FOXN3: variants seen among roughly 807,000 people sequenced by gnomAD.
FOXN3 encodes forkhead box protein N3.
In FOXN3, 7 loss-of-function variants were observed where a neutral mutation model predicts 38.4. The ratio of observed to expected loss-of-function variants is 0.18; its 90% CI spans 0.10 to 0.34. The LOEUF is 0.34. Among genes scored for constraint, FOXN3 ranks in the 10% least tolerant of loss-of-function variants. FOXN3 has a pLI of 1.00. For synonymous variants in FOXN3, 230 were observed against 242.2 expected (o/e 0.95, Z 0.47); for missense variants, 456 against 613.4 (o/e 0.74, Z 2.71).
chr14:89,457,141 C>T (rs1358033951), intron 1 of FOXN3, among the ~76,000 whole-genome samples: 1 of 152,154 alleles, frequency 6.6e-6, no homozygotes, highest in African/African-American at 2.4e-5. Flanking sequence ...AACAACATGG[C>T]GATAGCCTCT....
chr14:89,456,733 G>A (rs1376702807), intron 1 of FOXN3, among the ~76,000 whole-genome samples: 1 of 152,178 alleles, frequency 6.6e-6, no homozygotes, highest in Admixed American at 6.5e-5. Context: ...TCCAGCCTGG[G>A]TGACAGAGTG....
chr14:89,415,789 G>A (rs889225329), intron 1 of FOXN3, among the ~76,000 whole-genome samples: 1 of 144,552 alleles, frequency 6.9e-6, no homozygotes, highest in Non-Finnish European at 1.5e-5. Context: ...TGCCAACAAG[G>A]CTGCTCCACC....
intron 3 of FOXN3, among the ~76,000 whole-genome samples, chr14:89,342,216 T>C (rs1470839808): frequency 6.6e-6 from 1 of 152,174 alleles, no homozygotes; most frequent in Non-Finnish European, 1.5e-5. Context: ...CTGAGTAAAA[T>C]AGATATAATC....
rs577902201 is a variant in FOXN3, at chr14:89,544,118, CAG to C, written c.-15+74908_-15+74909del. Among the ~76,000 whole-genome samples, 848 of 151,978 alleles carry C rather than the reference CAG, an allele frequency of 5.6e-3. 6 individuals carry two copies. The highest frequency in any genetic ancestry group is 6.1e-3 in the Non-Finnish European group (415 of 67,982). ...CTTTTTTTTGTTTTGTTTTTTGAGA[CAG>C]AGTCTTGCTCTGTCGCCCAGGCTGG... On this transcript the variant is annotated intron_variant, in intron 1 of 6. Transcript: ENST00000345097.
At chr14:89,506,889 G>A (rs1596301696) in intron 1 of FOXN3, among the ~76,000 whole-genome samples, 2 of 152,244 alleles carry the variant, frequency 1.3e-5, no homozygotes, top group African/African-American at 4.8e-5. Context: ...ATTAAGGGTG[G>A]TGCAAGATGT....
intron 2 of FOXN3, among the ~76,000 whole-genome samples, chr14:89,384,430 C>T (rs956970337): frequency 6.6e-6 from 1 of 152,204 alleles, no homozygotes; most frequent in African/African-American, 2.4e-5. Context: ...TCTTCTAATA[C>T]GTACCAGGAA....
At chr14:89,549,019 T>C (rs1027788486) in intron 1 of FOXN3, among the ~76,000 whole-genome samples, 1 of 151,592 alleles carries the variant, frequency 6.6e-6, no homozygotes, top group African/African-American at 2.4e-5. Flanking sequence ...CTCGGGAGGC[T>C]GAGACAGGAG....
intron 1 of FOXN3, among the ~76,000 whole-genome samples, chr14:89,565,624 A>G (rs1895333672): frequency 6.6e-6 from 1 of 152,182 alleles, no homozygotes; most frequent in Non-Finnish European, 1.5e-5. Context: ...CTATCACATC[A>G]TAGCCAAAAT....
chr14:89,520,014 T>G (rs1438720824), intron 1 of FOXN3, among the ~76,000 whole-genome samples: 3 of 144,164 alleles, frequency 2.1e-5, no homozygotes, highest in Non-Finnish European at 4.5e-5. Flanking sequence ...TTTTTCTTTT[T>G]TTCTTTTTTT....
intron 2 of FOXN3, among the ~76,000 whole-genome samples, chr14:89,382,484 A>T (rs912670504): frequency 6.6e-6 from 1 of 152,014 alleles, no homozygotes; most frequent in African/African-American, 2.4e-5. Flanking sequence ...CTGTTCCCTC[A>T]TGTTCTCCAC....
chr14:89,506,821 C>T (rs946075203), intron 1 of FOXN3, among the ~76,000 whole-genome samples: 36 of 152,264 alleles, frequency 2.4e-4, no homozygotes, highest in African/African-American at 8.7e-4. Flanking sequence ...GATCTGTGAC[C>T]TTACCCACAA....
intron 2 of FOXN3, among the ~76,000 whole-genome samples, chr14:89,366,407 C>T (rs909190774): frequency 6.6e-6 from 1 of 152,072 alleles, no homozygotes; most frequent in Admixed American, 6.5e-5. Context: ...GTTTGTATCA[C>T]ACCCACAATC....
At chr14:89,363,953 T>TAA (rs1889993460) in intron 2 of FOXN3, among the ~76,000 whole-genome samples, 1 of 3,464 alleles carries the variant, frequency 2.9e-4, no homozygotes, top group African/African-American at 3.4e-4. Flanking sequence ...GTAAAATATA[T>TAA]ATATATATAT....
chr14:89,232,056 T>A (rs1265691188), intron 4 of FOXN3, among the ~76,000 whole-genome samples: 5 of 152,206 alleles, frequency 3.3e-5, no homozygotes, highest in Admixed American at 6.5e-5. Context: ...GTGTCACGTT[T>A]CCTAACCGAA....
At chr14:89,253,621 C>T (rs1281206345) in intron 4 of FOXN3, among the ~76,000 whole-genome samples, 2 of 152,006 alleles carry the variant, frequency 1.3e-5, no homozygotes, top group African/African-American at 4.8e-5. Context: ...AAACAGACGC[C>T]AAATTAAAAG....
intron 1 of FOXN3, among the ~76,000 whole-genome samples, chr14:89,577,830 G>A (rs550608008): frequency 2.6e-5 from 4 of 152,266 alleles, no homozygotes; most frequent in East Asian, 1.9e-4. Flanking sequence ...TAATTCACAC[G>A]TGCAATCACA....
At chr14:89,233,845 C>T (rs2139857676) in intron 4 of FOXN3, among the ~76,000 whole-genome samples, 1 of 152,372 alleles carries the variant, frequency 6.6e-6, no homozygotes, top group South Asian at 2.1e-4. Flanking sequence ...TAAATGAACT[C>T]AAGGCCTTTG....
rs1428977338 is a variant in FOXN3, at chr14:89,457,739, G to A, written c.-14-45249C>T. ...ACAAGAAGTGAGCATGGAGCCGGGCGCGGTGGCTCATGCCTGTAATCCCAG... is the reference window on the plus strand; with the variant it reads ...ACAAGAAGTGAGCATGGAGCCGGGCACGGTGGCTCATGCCTGTAATCCCAG... On this transcript the variant is annotated intron_variant, in intron 1 of 6. Transcript: ENST00000345097. 5.9e-5 allele frequency among the ~76,000 whole-genome samples: 9 copies of A among 152,286 alleles called. No individual in the cohort carries two copies. The East Asian group carries it at 1.2e-3, about 20-fold the overall frequency.
In FOXN3 at chr14:89,498,210, C is replaced by CTTTT. The variant is rs547081117; in HGVS notation, c.-14-85724_-14-85721dup. Reference sequence around the variant, plus strand: ...TCTGGCTGCTTCTCTCTCTCTCTCTCTTTTTTTTTTTTTTTTTTTTTTTTG... The same window carrying CTTTT: ...TCTGGCTGCTTCTCTCTCTCTCTCTCTTTTTTTTTTTTTTTTTTTTTTTTTTTTG... On this transcript the variant is annotated intron_variant, in intron 1 of 6. Transcript: ENST00000345097. Among the ~76,000 whole-genome samples the CTTTT allele has an allele frequency of 7.1e-3, 579 of 81,068 alleles. 18 individuals are homozygous for CTTTT. Among genetic ancestry groups the CTTTT allele is most frequent in the African/African-American group, 0.023 (396 of 17,232 alleles). 53.2% of individuals were successfully genotyped at this position (81,068 alleles called of 152,430 possible).
Sources: allele counts gnomAD v4.1 joint callset (sites outside exome capture counted in the v4.1 genomes callset), GRCh38; gene constraint gnomAD v4.1.1; transcripts MANE v1.5; gene names NCBI Gene and HGNC (gene_info 2026-07-23, HGNC 2026-07-21).